Variants in WAPL observed in about 807,000 individuals in gnomAD.
The protein encoded by WAPL is WAPL cohesin release factor, also known as wings apart-like protein homolog.
In WAPL, 5 loss-of-function variants were observed where a neutral mutation model predicts 121.0. The observed-to-expected ratio is 0.04, with a 90% confidence interval of 0.02 to 0.09. The LOEUF is 0.09. WAPL is among the 10% of genes least tolerant of loss of function. WAPL has a pLI of 1.00. For missense variants in WAPL, 999 were observed against 1,410.8 expected (o/e 0.71, Z 4.68); for synonymous variants, 480 against 481.5 (o/e 1.00, Z 0.04).
At chr10:86,447,963 A>C (rs1399247870) in intron 15 of WAPL, among the ~76,000 whole-genome samples, 1 of 152,040 alleles carries the variant, frequency 6.6e-6, no homozygotes, top group Non-Finnish European at 1.5e-5. Context: ...CAGGAGAATC[A>C]CTGGAACCTG....
chr10:86,456,502 C>A lies in WAPL; in HGVS notation c.2657+2487G>T, dbSNP rs188999156. ...ATTTCTAAAGACACTATTTAAATCA[C>A]CAAGTCCACGATTTTTAAGTTTAAT... On this transcript the variant is annotated intron_variant, in intron 12 of 18. Coordinates refer to ENST00000298767, the MANE Select transcript of WAPL (RefSeq NM_015045.5). Among the ~76,000 whole-genome samples, 467 of 151,880 alleles carry A rather than the reference C, an allele frequency of 3.1e-3. 2 individuals are homozygous for A. Among genetic ancestry groups the A allele is most frequent in the Non-Finnish European group, 4.9e-3 (333 of 67,968 alleles).
At chr10:86,468,025 T>A (rs1246158735) in intron 8 of WAPL, among the ~76,000 whole-genome samples, 1 of 151,962 alleles carries the variant, frequency 6.6e-6, no homozygotes, top group Non-Finnish European at 1.5e-5. Flanking sequence ...AATAAAATGC[T>A]GTTGCTTAAA....
intron 2 of WAPL, among the ~76,000 whole-genome samples, chr10:86,514,902 T>G (rs1423535917): frequency 1.3e-5 from 2 of 152,122 alleles, no homozygotes; most frequent in Middle Eastern, 3.2e-3. Flanking sequence ...CTTTCACCAC[T>G]TGCACAGTTT....
chr10:86,458,504 C>T (rs2132179632), intron 12 of WAPL, among the ~76,000 whole-genome samples: 1 of 152,300 alleles, frequency 6.6e-6, no homozygotes, highest in African/African-American at 2.4e-5. Context: ...TTAGTATTTA[C>T]TATACGCCAA....
chr10:86,490,122 G>A (rs1045857176), intron 4 of WAPL, among the ~76,000 whole-genome samples: 2 of 151,834 alleles, frequency 1.3e-5, no homozygotes, highest in Admixed American at 1.3e-4. Context: ...GCCGAGGCAG[G>A]AGAATTGCTT....
At chr10:86,490,710 A>G (rs1842028285) in intron 4 of WAPL, among the ~76,000 whole-genome samples, 1 of 152,226 alleles carries the variant, frequency 6.6e-6, no homozygotes, top group South Asian at 2.1e-4. Flanking sequence ...TATTGGAATT[A>G]TAATTTTGAT....
At chr10:86,508,442 C>T (rs955402685) in intron 2 of WAPL, among the ~76,000 whole-genome samples, 1 of 152,070 alleles carries the variant, frequency 6.6e-6, no homozygotes, top group Non-Finnish European at 1.5e-5. Flanking sequence ...TCTAGAATCC[C>T]TCACATCCCT....
Position 86,440,233 on chromosome 10 carries a change from C to T in WAPL, c.3412-2218G>A, listed in dbSNP as rs368313432. On this transcript the variant is annotated intron_variant, in intron 17 of 18. Coordinates refer to ENST00000298767, the MANE Select transcript of WAPL (RefSeq NM_015045.5). ...GAACGTGACTGAAATATGACTAAAC[C>T]TATAGTGTGTAAAAAACAGAGTATC... 2.0e-4 allele frequency among the ~76,000 whole-genome samples: 31 copies of T among 151,708 alleles called. 1 individual carries two copies. In the East Asian group the frequency reaches 4.3e-3, roughly 21 times the overall value.
intron 4 of WAPL, among the ~76,000 whole-genome samples, chr10:86,478,861 G>A (rs1004627941): frequency 8.5e-5 from 13 of 152,170 alleles, no homozygotes; most frequent in East Asian, 7.7e-4. Context: ...TTGGGAGGCC[G>A]AGGTGGGCAG....
intron 4 of WAPL, among the ~76,000 whole-genome samples, chr10:86,479,135 A>G (rs1264237109): frequency 6.6e-6 from 1 of 152,016 alleles, no homozygotes; most frequent in Non-Finnish European, 1.5e-5. Flanking sequence ...CAAAACAACA[A>G]CAACAAAAAC....
chr10:86,506,359 G>T (rs1334093582), intron 2 of WAPL, among the ~76,000 whole-genome samples: 1 of 152,224 alleles, frequency 6.6e-6, no homozygotes, highest in Non-Finnish European at 1.5e-5. Flanking sequence ...ATGGTTACAG[G>T]AGTGTTCCTC....
chr10:86,476,823 T>C (rs1025508115), intron 4 of WAPL, among the ~76,000 whole-genome samples: 2 of 152,144 alleles, frequency 1.3e-5, no homozygotes, highest in African/African-American at 4.8e-5. Flanking sequence ...TAATAAAGAA[T>C]ATGATAAACA....
intron 2 of WAPL, among the ~76,000 whole-genome samples, chr10:86,511,856 A>T (rs892986019): frequency 6.6e-6 from 1 of 152,186 alleles, no homozygotes; most frequent in African/African-American, 2.4e-5. Context: ...GCTTCAGCCC[A>T]GGAGGTAGAA....
intron 2 of WAPL, among the ~76,000 whole-genome samples, chr10:86,508,662 C>T (rs1469485862): frequency 6.6e-6 from 1 of 152,044 alleles, no homozygotes; most frequent in Non-Finnish European, 1.5e-5. Context: ...TATAATATAT[C>T]ACTTCTCTGG....
At chr10:86,497,470 G>A (rs1842170671) in intron 3 of WAPL, 151 bp from the exon 4 acceptor site, 1 of 624,388 alleles carries the variant, frequency 1.6e-6, no homozygotes. Flanking sequence ...ATACTCCCTA[G>A]AATAAGAAGT....
rs1299574366 is a variant in WAPL at position 86,472,600 on chromosome 10, A to G, written c.1893+12T>C. On this transcript the variant is annotated intron_variant, in intron 6 of 18. Coordinates refer to ENST00000298767, the MANE Select transcript of WAPL (RefSeq NM_015045.5). The surrounding 1 kb of genome is among the most constrained non-coding windows in gnomAD (Gnocchi z 4.2). ...TATCAACATGCAGTAAACACTGTAT[A>G]TGGCTGCTTACTTCTTTGTCTTCTC... is the stretch of plus-strand genomic sequence containing the variant. The G allele has an allele frequency of 6.2e-7, 1 of 1,612,724 alleles. No homozygotes were observed. The highest frequency in any genetic ancestry group is 1.1e-5 in the South Asian group (1 of 90,866).
intron 3 of WAPL, among the ~76,000 whole-genome samples, chr10:86,498,816 G>T (rs1306868896): frequency 6.6e-6 from 1 of 152,120 alleles, no homozygotes; most frequent in African/African-American, 2.4e-5. Context: ...ACTCCTTGAG[G>T]ACCCTTAGTC....
intron 4 of WAPL, among the ~76,000 whole-genome samples, chr10:86,488,118 T>A (rs1185800441): frequency 6.6e-6 from 1 of 152,136 alleles, no homozygotes; most frequent in Non-Finnish European, 1.5e-5. Flanking sequence ...GGAATTAAAA[T>A]ATGGAAAATG....
chr10:86,505,267 T>TG (rs1295231460), intron 2 of WAPL, among the ~76,000 whole-genome samples: 1 of 146,458 alleles, frequency 6.8e-6, no homozygotes, highest in Non-Finnish European at 1.5e-5. Context: ...CCCAAAGTAC[T>TG]GGGATTACAA....
Sources: allele counts gnomAD v4.1 joint callset (sites outside exome capture counted in the v4.1 genomes callset), GRCh38; gene constraint gnomAD v4.1.1; non-coding constraint Gnocchi (gnomAD v3.1); transcripts MANE v1.5; gene names NCBI Gene and HGNC (gene_info 2026-07-23, HGNC 2026-07-21).